Variants in MYOF observed in about 807,000 individuals in gnomAD.
The protein encoded by MYOF is myoferlin.
MYOF carries 244 observed loss-of-function variants against 284.2 expected under a neutral mutation model. The ratio of observed to expected loss-of-function variants is 0.86; its 90% CI spans 0.77 to 0.95. MYOF has a LOEUF of 0.95. Ranked by LOEUF, MYOF falls within the 40% of genes least tolerant of loss-of-function variation. The probability of loss-of-function intolerance (pLI) is 0.00; values close to 1 mark genes in which losing one functional copy is unlikely to be tolerated. For synonymous variants in MYOF, 904 were observed against 919.7 expected (o/e 0.98, Z 0.31); for missense variants, 2,496 against 2,560.6 (o/e 0.97, Z 0.54).
chr10:93,464,440 G>T (rs568467800), intron 1 of MYOF, among the ~76,000 whole-genome samples: 1 of 152,298 alleles, frequency 6.6e-6, no homozygotes, highest in South Asian at 2.1e-4. Context: ...GCCCACGGAA[G>T]TAACACGATG....
At chr10:93,461,325 T>C (rs1475404418) in intron 1 of MYOF, among the ~76,000 whole-genome samples, 1 of 152,154 alleles carries the variant, frequency 6.6e-6, no homozygotes, top group African/African-American at 2.4e-5. Context: ...GTTTGTGAAA[T>C]TGCCAGGCAT....
intron 26 of MYOF, 23 bp from the exon 27 acceptor site, chr10:93,364,098 G>T (rs1845213618): frequency 1.2e-6 from 2 of 1,604,850 alleles, no homozygotes; most frequent in Non-Finnish European, 1.7e-6. Context: ...GAGGGCTCAA[G>T]TTACCCAAGG....
chr10:93,359,964 T>C lies in MYOF; in HGVS notation c.2989A>G (p.Ile997Val). 2 of 1,614,206 alleles carry C rather than the reference T, an allele frequency of 1.2e-6. No individual in the cohort carries two copies. Among genetic ancestry groups the C allele is most frequent in the Non-Finnish European group, 1.7e-6 (2 of 1,180,028 alleles). The stretch of plus-strand genomic sequence containing the variant: ...GGCTTATGATCAGGAGGAATGGTGA[T>C]TCCATATTCCCAGCCTGGAACAGAG... Reference protein sequence around the residue: ...AVDEKGWEYGITIPPDHKPKS... With the variant: ...AVDEKGWEYGVTIPPDHKPKS... Residue 997 changes from isoleucine (I) to valine (V), a missense_variant, in exon 29 of 54, where the codon ATC (isoleucine) becomes GTC (valine). Ile to Val is a conservative substitution (Grantham distance 29). Coordinates refer to ENST00000359263, the MANE Select transcript of MYOF (RefSeq NM_013451.4).
intron 13 of MYOF, among the ~76,000 whole-genome samples, chr10:93,399,054 A>G (rs779933605): frequency 4.3e-4 from 65 of 152,050 alleles, no homozygotes; most frequent in Middle Eastern, 6.8e-3. Flanking sequence ...GTCCTACAAC[A>G]TTTACCAGGG....
Position 93,426,473 on chromosome 10 carries a change from A to G in MYOF, c.346-315T>C, listed in dbSNP as rs1348304198. On this transcript the variant is annotated intron_variant, in intron 4 of 53. Coordinates refer to ENST00000359263, the MANE Select transcript of MYOF (RefSeq NM_013451.4). Reference sequence around the variant, plus strand: ...GTCACACACCTCCATCCTAGACTGGAGATGCCCTCCCATCACAGAATTACA... The same window carrying G: ...GTCACACACCTCCATCCTAGACTGGGGATGCCCTCCCATCACAGAATTACA... Among the ~76,000 whole-genome samples, 3 of 152,240 alleles carry G rather than the reference A, an allele frequency of 2.0e-5. No homozygotes were observed. The East Asian group carries it at 5.8e-4, about 29-fold the overall frequency.
chr10:93,401,703 CT>C (rs1847300855), intron 11 of MYOF, among the ~76,000 whole-genome samples, 159 bp from the exon 12 acceptor site: 1 of 152,040 alleles, frequency 6.6e-6, no homozygotes, highest in Non-Finnish European at 1.5e-5. Flanking sequence ...ACCAGTTTTC[CT>C]TCAACCTCAA....
chr10:93,349,909 T>TG lies in MYOF; in HGVS notation c.3981dup (p.Ser1328GlnfsTer20), dbSNP rs1844421564. The stretch of plus-strand genomic sequence containing the variant: ...TCTCCTCCACACTCCACAACAAGAC[T>TG]GGGGGATGTGATAGAAGCCATCTGG... On this transcript the variant is annotated frameshift_variant, in exon 36 of 54. Transcript: ENST00000359263. LOFTEE classifies it high-confidence loss of function. 6.2e-7 allele frequency: 1 copy of TG among 1,614,038 alleles called. No homozygotes were observed. The highest frequency in any genetic ancestry group is 1.1e-5 in the South Asian group (1 of 91,082).
chr10:93,361,669 A>C (rs1845081474), intron 27 of MYOF, 112 bp from the exon 28 acceptor site: 2 of 848,740 alleles, frequency 2.4e-6, no homozygotes, highest in Non-Finnish European at 3.7e-6. Flanking sequence ...CTTTACTTAG[A>C]TACCATCTTA....
rs72817264 is a variant in MYOF, at chr10:93,313,283, G to A, written c.5699-73C>T. Reference sequence around the variant, plus strand: ...GCTGTTGTTCACAAGTGAACAGAACGTTCTTATCAGGAGAGAGGCACACAG... The same window carrying A: ...GCTGTTGTTCACAAGTGAACAGAACATTCTTATCAGGAGAGAGGCACACAG... On this transcript the variant is annotated intron_variant, in intron 50 of 53. Transcript: ENST00000359263. 4,100 of 1,432,268 alleles carry A rather than the reference G, an allele frequency of 2.9e-3. 13 individuals carry two copies. Among genetic ancestry groups the A allele is most frequent in the Non-Finnish European group, 3.1e-3 (3,275 of 1,041,128 alleles). The allele number at this position is 1,432,268 out of a possible 1,614,324, so 88.7% of individuals were successfully genotyped here.
intron 17 of MYOF, among the ~76,000 whole-genome samples, chr10:93,391,851 GTTTTGGA>G (rs1846703976): frequency 6.6e-6 from 1 of 152,156 alleles, no homozygotes; most frequent in Admixed American, 6.5e-5. Flanking sequence ...TCCCCTTCAT[GTTTTGGA>G]TTCCTACAAA....
At chr10:93,316,655 T>C (rs913552018) in intron 50 of MYOF, 59 bp downstream of exon 50, 6 of 1,435,444 alleles carry the variant, frequency 4.2e-6, no homozygotes, top group Non-Finnish European at 5.8e-6. Flanking sequence ...AAGTTTTCAT[T>C]GACCCCACTA....
At chr10:93,319,628 G>A (rs568642480) in intron 49 of MYOF, among the ~76,000 whole-genome samples, 15 of 151,810 alleles carry the variant, frequency 9.9e-5, no homozygotes, top group Admixed American at 3.3e-4. Flanking sequence ...TTTATCCTTC[G>A]CCACCAGTAT....
chr10:93,323,314 C>T lies in MYOF; in HGVS notation c.5316G>A (p.Gly1772=), dbSNP rs1842916292. The T allele has an allele frequency of 8.1e-6, 13 of 1,613,978 alleles. No individual in the cohort carries two copies. The highest frequency in any genetic ancestry group is 1.0e-5 in the Non-Finnish European group (12 of 1,179,870). Residue 1772 remains glycine, a synonymous_variant, in exon 47 of 54, where the codon GGG becomes GGA. Coordinates refer to ENST00000359263, the MANE Select transcript of MYOF (RefSeq NM_013451.4). ...TGATGTTGAAAGGAGGGCCTGGTGG[C>T]CCCAAACTCTTGGGGAAAACATCCA... ...MWVDVFPKSL[G]PPGPPFNITP...
In MYOF at chr10:93,404,012, T is replaced by C; in HGVS notation, c.843+11A>G. On this transcript the variant is annotated intron_variant, in intron 9 of 53. Transcript: ENST00000359263. ...TCTGTAAGTTGAATGAAGCAGACTGTTGTCACTCACCTTAAATTCCCCCAT... is the reference window on the plus strand; with the variant it reads ...TCTGTAAGTTGAATGAAGCAGACTGCTGTCACTCACCTTAAATTCCCCCAT... 1 of 1,613,184 alleles carries C rather than the reference T, an allele frequency of 6.2e-7. No homozygotes were observed. The highest frequency in any genetic ancestry group is 8.5e-7 in the Non-Finnish European group (1 of 1,179,112).
chr10:93,381,945 G>A (rs570409408), intron 19 of MYOF, among the ~76,000 whole-genome samples: 8 of 152,246 alleles, frequency 5.3e-5, no homozygotes, highest in African/African-American at 9.6e-5. Context: ...GCTGAGGCAC[G>A]AGAATCTCTT....
intron 38 of MYOF, among the ~76,000 whole-genome samples, chr10:93,340,938 T>C (rs1186661053): frequency 6.6e-6 from 1 of 152,170 alleles, no homozygotes; most frequent in African/African-American, 2.4e-5. Flanking sequence ...ATCCTAACTT[T>C]ATGTTCATCC....
chr10:93,390,644 G>A (rs1169156360), intron 17 of MYOF, among the ~76,000 whole-genome samples: 1 of 152,164 alleles, frequency 6.6e-6, no homozygotes, highest in East Asian at 1.9e-4. Context: ...ATGGAACATT[G>A]CAAAGACGAT....
At chr10:93,405,415 G>A (rs554975117) in intron 7 of MYOF, among the ~76,000 whole-genome samples, 1 of 152,124 alleles carries the variant, frequency 6.6e-6, no homozygotes, top group Non-Finnish European at 1.5e-5. Flanking sequence ...TAAAAATATA[G>A]AACAGTGCTA....
At chr10:93,433,888 G>A (rs555109101) in intron 3 of MYOF, among the ~76,000 whole-genome samples, 3 of 152,142 alleles carry the variant, frequency 2.0e-5, no homozygotes, top group Admixed American at 6.5e-5. Flanking sequence ...AGATTTTAAC[G>A]CTGGGGTCTG....
Sources: allele counts gnomAD v4.1 joint callset (sites outside exome capture counted in the v4.1 genomes callset), GRCh38; gene constraint gnomAD v4.1.1; transcripts MANE v1.5; gene names NCBI Gene and HGNC (gene_info 2026-07-23, HGNC 2026-07-21).